Variants in CETP observed in about 807,000 individuals in gnomAD.
CETP encodes cholesteryl ester transfer protein.
A neutral mutation model predicts 66.5 loss-of-function variants in CETP; 56 were observed. That is an observed-to-expected ratio of 0.84 (90% CI 0.68 to 1.05). The LOEUF is 1.05. Among genes scored for constraint, CETP ranks in the 50% least tolerant of loss-of-function variants. The pLI is 0.00. For missense variants in CETP, 612 were observed against 609.6 expected (o/e 1.00, Z -0.04); for synonymous variants, 251 against 245.7 (o/e 1.02, Z -0.20).
chr16:56,978,144 G>A lies in CETP; in HGVS notation c.1035G>A (p.Met345Ile), dbSNP rs1433642548. 2 of 1,614,248 alleles carry A rather than the reference G, an allele frequency of 1.2e-6. No homozygotes were observed. Among genetic ancestry groups the A allele is most frequent in the Admixed American group, 1.7e-5 (1 of 60,032 alleles). Reference protein sequence around the residue: ...QAQVTVHCLKMPKISCQNKGV... With the variant: ...QAQVTVHCLKIPKISCQNKGV... ...AAGTCACCGTCCACTGCCTCAAGAT[G>A]CCCAAGATCTCCTGCCAAAACAAGG... The change falls in exon 11 of 16, where the codon ATG (methionine) becomes ATA (isoleucine). Residue 345 changes from methionine (M) to isoleucine (I), a missense_variant. Transcript: ENST00000200676.
chr16:56,976,731 A>G (rs2056152720), intron 10 of CETP, among the ~76,000 whole-genome samples: 3 of 152,024 alleles, frequency 2.0e-5, no homozygotes, highest in Admixed American at 6.5e-5. Context: ...ACGTTGGGCC[A>G]TCTCATTCCA....
intron 1 of CETP, chr16:56,962,407 G>T (rs183782798): frequency 3.3e-4 from 209 of 628,462 alleles, no homozygotes; most frequent in African/African-American, 3.3e-3. Flanking sequence ...CCAGGTTAGG[G>T]GGTTGAGTCA....
At chr16:56,963,260 C>T in intron 2 of CETP, 136 bp downstream of exon 2, 1 of 712,216 alleles carries the variant, frequency 1.4e-6, no homozygotes, top group Non-Finnish European at 2.5e-6. Flanking sequence ...GGAACCAGAG[C>T]CTGACACCTT....
At chr16:56,970,678 G>C (rs2056103089) in intron 5 of CETP, among the ~76,000 whole-genome samples, 3 of 152,232 alleles carry the variant, frequency 2.0e-5, no homozygotes, top group African/African-American at 4.8e-5. Flanking sequence ...AACCTGGAAG[G>C]CAGAAGGGAA....
chr16:56,968,943 G>GAGAT (rs2141996439), intron 2 of CETP, among the ~76,000 whole-genome samples: 1 of 151,998 alleles, frequency 6.6e-6, no homozygotes, highest in South Asian at 2.1e-4. Context: ...TTATTGAGTT[G>GAGAT]AGATCTTTCT....
chr16:56,982,559 G>A (rs916253271), intron 14 of CETP, among the ~76,000 whole-genome samples: 3 of 152,190 alleles, frequency 2.0e-5, no homozygotes, highest in African/African-American at 7.2e-5. Context: ...CTGAGACCTA[G>A]TTCTAGCCCA....
At chr16:56,969,755 G>A (rs1341646104) in intron 4 of CETP, 74 bp downstream of exon 4, 17 of 1,585,124 alleles carry the variant, frequency 1.1e-5, no homozygotes, top group Non-Finnish European at 1.4e-5. Flanking sequence ...GGGAGGTTGT[G>A]CAGGCAGAGG....
chr16:56,966,147 C>T (rs1285368533), intron 2 of CETP, among the ~76,000 whole-genome samples: 1 of 152,198 alleles, frequency 6.6e-6, no homozygotes, highest in Admixed American at 6.5e-5. Flanking sequence ...GGCTAGAAGT[C>T]CACCATGGCC....
chr16:56,978,372 C>A, intron 11 of CETP, 117 bp downstream of exon 11: 2 of 1,218,878 alleles, frequency 1.6e-6, no homozygotes, highest in Non-Finnish European at 2.4e-6. Context: ...CCTCTGCTGG[C>A]ACTGGTTGTC....
At chr16:56,975,000 G>A in intron 9 of CETP, 101 bp from the exon 10 acceptor site, 1 of 992,692 alleles carries the variant, frequency 1.0e-6, no homozygotes, top group East Asian at 2.4e-5. Flanking sequence ...TGCGTCTGAG[G>A]AGGGGTCCAG....
chr16:56,978,936 A>G (rs1429249271), intron 11 of CETP, among the ~76,000 whole-genome samples: 1 of 152,030 alleles, frequency 6.6e-6, no homozygotes, highest in African/African-American at 2.4e-5. Flanking sequence ...AGCGATTCTC[A>G]TGCCTCAGCC....
intron 8 of CETP, among the ~76,000 whole-genome samples, chr16:56,972,804 C>G (rs551010897): frequency 6.6e-6 from 1 of 152,324 alleles, no homozygotes; most frequent in Admixed American, 6.5e-5. Context: ...TTAGGGCGGA[C>G]CCAGCCATCT....
Position 56,972,025 on chromosome 16 carries a change from A to G in CETP, c.692A>G (p.Asp231Gly). Reference protein sequence around the residue: ...SILSDGDIGVDISLTGDPVIT... With the variant: ...SILSDGDIGVGISLTGDPVIT... ...CTTTCAGATGGAGACATTGGGGTGG[A>G]CATTTCCCTGACAGGTGATCCCGTC... Residue 231 changes from aspartate to glycine, a missense_variant, in exon 8 of 16, where the codon GAC becomes GGC. Physicochemically the swap from Asp to Gly is moderately conservative, Grantham distance 94. Transcript: ENST00000200676. 6.2e-7 allele frequency: 1 copy of G among 1,614,162 alleles called. No homozygotes were observed.
At chr16:56,971,924 G>A (rs2056113114) in intron 7 of CETP, 68 bp from the exon 8 acceptor site, 1 of 1,342,902 alleles carries the variant, frequency 7.4e-7, no homozygotes, top group South Asian at 1.2e-5. Context: ...CTGTGTGGAT[G>A]CAGGGGAGCG....
chr16:56,967,079 G>A (rs1329455153), intron 2 of CETP, among the ~76,000 whole-genome samples: 1 of 151,816 alleles, frequency 6.6e-6, no homozygotes, highest in Non-Finnish European at 1.5e-5. Context: ...TGGGCGCAGT[G>A]GCTCAAACCT....
Position 56,970,016 on chromosome 16 carries a change from C to T in CETP, c.527+15C>T, listed in dbSNP as rs1446094786. On this transcript the variant is annotated intron_variant, in intron 5 of 15. Coordinates refer to ENST00000200676, the MANE Select transcript of CETP (RefSeq NM_000078.3). ...GGGGAGCGAGAGTAAGTACACCACC[C>T]TGTGGCCCCCATTCCTGCTCGTGCC... 1 of 1,610,110 alleles carries T rather than the reference C, an allele frequency of 6.2e-7. No individual in the cohort carries two copies.
chr16:56,973,384 G>A lies in CETP; in HGVS notation c.804G>A (p.Ser268=), dbSNP rs28381707. Residue 268 remains serine (S), a synonymous_variant, in exon 9 of 16, where the codon TCG becomes TCA. Transcript: ENST00000200676. ...AGGACCTCCCCCTCCCCACCTTCTC[G>A]CCCACACTGCTGGGGGACTCCCGCA... is the stretch of plus-strand genomic sequence containing the variant. ...VSEDLPLPTF[S]PTLLGDSRML... is the part of the protein sequence containing the mutation. 3.6e-5 allele frequency: 58 copies of A among 1,613,946 alleles called. No homozygotes were observed. The highest frequency in any genetic ancestry group is 4.5e-5 in the East Asian group (2 of 44,878).
At chr16:56,979,917 G>A (rs2056176366) in intron 11 of CETP, among the ~76,000 whole-genome samples, 2 of 152,176 alleles carry the variant, frequency 1.3e-5, no homozygotes, top group South Asian at 4.1e-4. Context: ...CCCTTCTCCA[G>A]GGGCCTTCGA....
rs756541175 is a variant in CETP, at chr16:56,971,083, A to T, written c.578A>T (p.Lys193Met). The T allele has an allele frequency of 8.1e-6, 13 of 1,614,072 alleles. 1 individual carries two copies. The South Asian group carries it at 1.4e-4, about 18-fold the overall frequency. The part of the protein sequence containing the change: ...LFTNFISFTL[K>M]LVLKGQICKE... ...ACAAATTTCATCTCCTTCACCCTGAAGCTGGTCCTGAAGGGACAGGTGAGT... is the reference window on the plus strand; with the variant it reads ...ACAAATTTCATCTCCTTCACCCTGATGCTGGTCCTGAAGGGACAGGTGAGT... The change falls in exon 6 of 16, where the codon AAG becomes ATG. Residue 193 changes from lysine to methionine, a missense_variant. Lys to Met is a moderately conservative substitution (Grantham distance 95). Transcript: ENST00000200676.
Sources: gnomAD v4.1 joint callset for allele counts (sites outside exome capture counted in the v4.1 genomes callset) on GRCh38, gnomAD v4.1.1 for gene constraint, MANE v1.5 for transcripts, NCBI Gene and HGNC (gene_info 2026-07-23, HGNC 2026-07-21) for gene names.